The following KIT variants were observed in gnomAD, a reference collection of about 807,000 sequenced individuals.
KIT encodes the protein mast/stem cell growth factor receptor Kit.
Under a neutral mutation model 105.7 loss-of-function variants are expected in KIT, and 16 were observed. The ratio of observed to expected loss-of-function variants is 0.15; its 90% confidence interval spans 0.10 to 0.23. The LOEUF (loss-of-function observed/expected upper bound fraction) is 0.23. Among genes scored for constraint, KIT ranks in the 10% least tolerant of loss-of-function variants. KIT has a pLI of 1.00. For synonymous variants in KIT, 438 were observed against 441.1 expected (o/e 0.99, Z 0.09); for missense variants, 858 against 1,213.8 (o/e 0.71, Z 4.36).
chr4:54,693,473 T>A (rs1719852277), intron 1 of KIT, among the ~76,000 whole-genome samples: 1 of 152,198 alleles, frequency 6.6e-6, no homozygotes, highest in South Asian at 2.1e-4. Context: ...TCTGATCTTG[T>A]TTTTTAACTT....
At chr4:54,659,445 T>G (rs1398237595) in intron 1 of KIT, among the ~76,000 whole-genome samples, 1 of 151,952 alleles carries the variant, frequency 6.6e-6, no homozygotes, top group Non-Finnish European at 1.5e-5. Context: ...AGAAAGTGAG[T>G]CTTAGCTGGA....
intron 2 of KIT, among the ~76,000 whole-genome samples, chr4:54,696,846 CAGGGCATGCTT>C (rs1720104326): frequency 6.6e-6 from 1 of 152,282 alleles, no homozygotes; most frequent in Non-Finnish European, 1.5e-5. Context: ...CACTTCGCCT[CAGGGCATGCTT>C]CTGTGATTGC....
chr4:54,723,481 C>T, intron 7 of KIT, 103 bp from the exon 8 acceptor site: 1 of 777,944 alleles, frequency 1.3e-6, no homozygotes, highest in East Asian at 2.6e-5. Flanking sequence ...CCTCAGGCTA[C>T]TCAGCAGCCT....
chr4:54,728,307 A>T (rs932792824), intron 13 of KIT, among the ~76,000 whole-genome samples, 186 bp downstream of exon 13: 2 of 152,150 alleles, frequency 1.3e-5, no homozygotes, highest in East Asian at 3.9e-4. Context: ...TTTTATCATT[A>T]TGGGGTAGAA....
In KIT at chr4:54,698,846, C is replaced by T. The variant is rs115611448; in HGVS notation, c.619+281C>T. On this transcript the variant is annotated intron_variant, in intron 3 of 20. Coordinates refer to ENST00000288135, the MANE Select transcript of KIT (RefSeq NM_000222.3). ...TCAGCCCAAAGTTTCATAATTGCAT[C>T]AAGTACTCGTTCTAAGGGAAACCCA... 2.6e-3 allele frequency among the ~76,000 whole-genome samples: 389 copies of T among 152,360 alleles called. 3 individuals are homozygous for T. Among genetic ancestry groups the T allele is most frequent in the African/African-American group, 8.9e-3 (370 of 41,594 alleles).
chr4:54,697,946 A>G (rs780376180), intron 2 of KIT, among the ~76,000 whole-genome samples: 2 of 152,150 alleles, frequency 1.3e-5, no homozygotes, highest in Non-Finnish European at 2.9e-5. Context: ...CCAATCAGCC[A>G]TTTCCAGGTC....
chr4:54,667,011 A>G (rs1717750196), intron 1 of KIT, among the ~76,000 whole-genome samples: 1 of 152,214 alleles, frequency 6.6e-6, no homozygotes, highest in East Asian at 1.9e-4. Context: ...TCAAAATAAG[A>G]CAAAAGGAAG....
intron 6 of KIT, among the ~76,000 whole-genome samples, chr4:54,708,499 C>T (rs1720931189): frequency 1.3e-5 from 2 of 152,160 alleles, no homozygotes. Flanking sequence ...TTACTGGCTG[C>T]AGACCTGGCT....
chr4:54,683,365 G>T (rs1404561769), intron 1 of KIT, among the ~76,000 whole-genome samples: 3 of 152,014 alleles, frequency 2.0e-5, no homozygotes, highest in East Asian at 3.9e-4. Context: ...GGCCGGGCGC[G>T]GTGGCTCACA....
At chr4:54,678,298 T>G in intron 1 of KIT, among the ~76,000 whole-genome samples, 1 of 42,228 alleles carries the variant, frequency 2.4e-5, no homozygotes, top group African/African-American at 1.6e-4. Context: ...CGCTCCTTCC[T>G]TCCTTCCTTC....
rs115405034 is a variant in KIT, at chr4:54,732,339, C to A, written c.2361+341C>A. On this transcript the variant is annotated intron_variant, in intron 16 of 20. Coordinates refer to ENST00000288135, the MANE Select transcript of KIT (RefSeq NM_000222.3). ...AACAGAATCATTTTATCAGTAAAAG[C>A]AGAGGGCACCTCATAGTTACAAGGC... Among the ~76,000 whole-genome samples the A allele has an allele frequency of 1.7e-3, 255 of 152,116 alleles. 1 individual carries two copies. The highest frequency in any genetic ancestry group is 5.7e-3 in the African/African-American group (238 of 41,522).
rs557106660 is a variant in KIT, at chr4:54,696,177, A to G, written c.337+396A>G. Among the ~76,000 whole-genome samples, 3 of 152,250 alleles carry G rather than the reference A, an allele frequency of 2.0e-5. No individual in the cohort carries two copies. In the East Asian group the frequency reaches 5.8e-4, roughly 29 times the overall value. On this transcript the variant is annotated intron_variant, in intron 2 of 20. Coordinates refer to ENST00000288135, the MANE Select transcript of KIT (RefSeq NM_000222.3). ...GGCCTCTCAAAGCCTAACCAGACCG[A>G]CACTTCGAAAGATGTGGCCCACTCT... is the stretch of plus-strand genomic sequence containing the variant.
intron 1 of KIT, among the ~76,000 whole-genome samples, chr4:54,682,755 T>C (rs1348361014): frequency 6.6e-6 from 1 of 151,222 alleles, no homozygotes; most frequent in East Asian, 1.9e-4. Context: ...TGACCGTTTT[T>C]TTTTTTTTTT....
At chr4:54,668,120 G>A (rs1717832285) in intron 1 of KIT, among the ~76,000 whole-genome samples, 1 of 152,190 alleles carries the variant, frequency 6.6e-6, no homozygotes, top group Admixed American at 6.5e-5. Context: ...GAGCCTGTGT[G>A]GTTTGGAACA....
In KIT at chr4:54,727,553, A is replaced by G. The variant is rs188004213; in HGVS notation, c.1774+11A>G. The stretch of plus-strand genomic sequence containing the variant: ...ACAGGCTGAGTTTTGGTCAGTATGA[A>G]ACAGGGGCTTTCCATGTCACCTTTT... On this transcript the variant is annotated intron_variant, in intron 11 of 20. Coordinates refer to ENST00000288135, the MANE Select transcript of KIT (RefSeq NM_000222.3). 1.1e-5 allele frequency: 17 copies of G among 1,614,058 alleles called. No individual in the cohort carries two copies. The African/African-American group carries it at 1.1e-4, about 10-fold the overall frequency.
At chr4:54,681,780 C>G (rs1718938275) in intron 1 of KIT, among the ~76,000 whole-genome samples, 1 of 152,050 alleles carries the variant, frequency 6.6e-6, no homozygotes, top group Non-Finnish European at 1.5e-5. Flanking sequence ...TGGCTCACAC[C>G]TGTAATCCTA....
intron 1 of KIT, among the ~76,000 whole-genome samples, chr4:54,684,857 G>T (rs567041786): frequency 6.6e-6 from 1 of 152,322 alleles, no homozygotes; most frequent in Admixed American, 6.5e-5. Flanking sequence ...GATTGCTAAT[G>T]AGTGTATGAG....
intron 4 of KIT, among the ~76,000 whole-genome samples, chr4:54,700,946 A>G (rs1463082984): frequency 6.6e-6 from 1 of 152,260 alleles, no homozygotes; most frequent in East Asian, 1.9e-4. Flanking sequence ...TAGCTTATGT[A>G]TGGATTTTTG....
intron 6 of KIT, among the ~76,000 whole-genome samples, chr4:54,708,519 A>C (rs761335378): frequency 6.6e-6 from 1 of 152,162 alleles, no homozygotes; most frequent in Non-Finnish European, 1.5e-5. Context: ...TGCACGGTCA[A>C]CGTCTTCCAA....
Sources: gnomAD v4.1 joint callset for allele counts (sites outside exome capture counted in the v4.1 genomes callset) on GRCh38, gnomAD v4.1.1 for gene constraint, MANE v1.5 for transcripts, NCBI Gene and HGNC (gene_info 2026-07-23, HGNC 2026-07-21) for gene names.